The following EPHA4 variants were observed in gnomAD, a reference collection of about 807,000 sequenced individuals.
EPHA4 encodes EPH receptor A4, also known as ephrin type-A receptor 4.
EPHA4 carries 19 observed loss-of-function variants against 108.3 expected under a neutral mutation model. The observed-to-expected ratio is 0.18, with a 90% CI of 0.12 to 0.26. EPHA4 has a LOEUF of 0.26. Among genes scored for constraint, EPHA4 ranks in the 10% least tolerant of loss-of-function variants. EPHA4 has a pLI of 1.00. For synonymous variants in EPHA4, 449 were observed against 455.5 expected, an observed-to-expected ratio of 0.99 and a Z score of 0.18; for missense variants, 917 against 1,254.0, an observed-to-expected ratio of 0.73 and a Z score of 4.06.
At chr2:221,484,670 A>T (rs1377190198) in intron 4 of EPHA4, among the ~76,000 whole-genome samples, 1 of 152,232 alleles carries the variant, frequency 6.6e-6, no homozygotes, top group Admixed American at 6.5e-5. Context: ...ACCGACTCTA[A>T]GAGCTACATA....
intron 3 of EPHA4, among the ~76,000 whole-genome samples, chr2:221,556,485 T>C (rs1242669605): frequency 6.6e-6 from 1 of 151,338 alleles, no homozygotes; most frequent in Non-Finnish European, 1.5e-5. Context: ...TTTTTTTTTT[T>C]TTTTTTAGTA....
chr2:221,453,519 CA>C (rs1313189360), intron 8 of EPHA4, among the ~76,000 whole-genome samples: 1 of 152,094 alleles, frequency 6.6e-6, no homozygotes, highest in Non-Finnish European at 1.5e-5. Flanking sequence ...CTTTCAAAAT[CA>C]AATACCAGGG....
intron 13 of EPHA4, among the ~76,000 whole-genome samples, chr2:221,434,896 A>C (rs1356121446): frequency 1.8e-5 from 1 of 56,694 alleles, no homozygotes; most frequent in Non-Finnish European, 4.3e-5. Context: ...GTTGTTATTA[A>C]ATTAAAAAAA....
intron 5 of EPHA4, among the ~76,000 whole-genome samples, chr2:221,473,564 A>C (rs1452640240): frequency 1.3e-5 from 2 of 151,342 alleles, no homozygotes; most frequent in Non-Finnish European, 2.9e-5. Flanking sequence ...AAAAAAAAAA[A>C]AAAAAAAAAA....
chr2:221,558,134 G>A (rs1038344000), intron 3 of EPHA4, among the ~76,000 whole-genome samples: 4 of 152,172 alleles, frequency 2.6e-5, no homozygotes, highest in Admixed American at 2.0e-4. Context: ...ATCTATGACA[G>A]TCAAGCATCA....
chr2:221,498,585 C>A (rs1431405848), intron 4 of EPHA4, among the ~76,000 whole-genome samples: 2 of 151,680 alleles, frequency 1.3e-5, no homozygotes. Context: ...AAAGCAAAAA[C>A]AATCCTTGCC....
chr2:221,520,942 T>G (rs187151320), intron 3 of EPHA4, among the ~76,000 whole-genome samples: 1 of 152,362 alleles, frequency 6.6e-6, no homozygotes, highest in African/African-American at 2.4e-5. Context: ...ATTTGCATTT[T>G]GTTAACCATG....
intron 4 of EPHA4, 62 bp from the exon 5 acceptor site, chr2:221,482,752 A>G (rs1691863128): frequency 6.9e-7 from 1 of 1,442,462 alleles, no homozygotes; most frequent in South Asian, 1.3e-5. Flanking sequence ...AATCTCTCAG[A>G]GTTTGTATTA....
At chr2:221,532,061 C>T (rs1693536894) in intron 3 of EPHA4, among the ~76,000 whole-genome samples, 1 of 152,068 alleles carries the variant, frequency 6.6e-6, no homozygotes, top group Non-Finnish European at 1.5e-5. Flanking sequence ...ACCAAATATG[C>T]TGGGATGTTT....
intron 11 of EPHA4, among the ~76,000 whole-genome samples, chr2:221,439,201 T>G (rs1393361061): frequency 6.6e-6 from 1 of 152,082 alleles, no homozygotes; most frequent in Non-Finnish European, 1.5e-5. Context: ...CAAAGGTGCA[T>G]AAAACCACTT....
intron 5 of EPHA4, among the ~76,000 whole-genome samples, chr2:221,470,834 A>G (rs1691461251): frequency 6.6e-6 from 1 of 152,144 alleles, no homozygotes; most frequent in Non-Finnish European, 1.5e-5. Context: ...TGGCCATGCA[A>G]TTATGTTCTT....
At chr2:221,528,117 C>T (rs1484625069) in intron 3 of EPHA4, among the ~76,000 whole-genome samples, 4 of 150,868 alleles carry the variant, frequency 2.7e-5, no homozygotes, top group South Asian at 2.1e-4. Context: ...GTCTCATTCT[C>T]TCTTGTGTAA....
At chr2:221,494,414 G>A (rs549797384) in intron 4 of EPHA4, among the ~76,000 whole-genome samples, 1 of 152,286 alleles carries the variant, frequency 6.6e-6, no homozygotes, top group African/African-American at 2.4e-5. Flanking sequence ...GACCAGCCTG[G>A]TCAACATAGC....
intron 4 of EPHA4, among the ~76,000 whole-genome samples, chr2:221,498,015 A>T (rs753870587): frequency 6.6e-6 from 1 of 152,192 alleles, no homozygotes; most frequent in African/African-American, 2.4e-5. Context: ...TAAAAATACA[A>T]TTCCAAGGGC....
chr2:221,451,580 CAGCATCATA>C (rs1690786426), intron 8 of EPHA4, among the ~76,000 whole-genome samples: 1 of 152,114 alleles, frequency 6.6e-6, no homozygotes, highest in African/African-American at 2.4e-5. Context: ...TTTATAGGGA[CAGCATCATA>C]TAGGTACAAG....
chr2:221,527,455 T>C (rs750600047), intron 3 of EPHA4, among the ~76,000 whole-genome samples: 2 of 152,166 alleles, frequency 1.3e-5, no homozygotes, highest in Non-Finnish European at 2.9e-5. Flanking sequence ...AATCTCCAGA[T>C]ACAGGACAAT....
intron 3 of EPHA4, chr2:221,502,400 C>A: frequency 2.6e-6 from 1 of 391,032 alleles, no homozygotes; most frequent in Non-Finnish European, 5.2e-6. Context: ...CGTTTCTTTT[C>A]ATTCATCATG....
chr2:221,545,428 C>T (rs1302345844), intron 3 of EPHA4, among the ~76,000 whole-genome samples: 2 of 152,032 alleles, frequency 1.3e-5, no homozygotes, highest in East Asian at 1.9e-4. Flanking sequence ...GAGACTGCAC[C>T]ACTGCACTCC....
At chr2:221,570,180 G>A (rs898891535) in intron 1 of EPHA4, among the ~76,000 whole-genome samples, 2 of 151,998 alleles carry the variant, frequency 1.3e-5, no homozygotes, top group Non-Finnish European at 2.9e-5. Flanking sequence ...AAACGTGATG[G>A]GAATAGAAAG....
Sources: gnomAD v4.1 joint callset for allele counts (sites outside exome capture counted in the v4.1 genomes callset) on GRCh38, gnomAD v4.1.1 for gene constraint, MANE v1.5 for transcripts, NCBI Gene and HGNC (gene_info 2026-07-23, HGNC 2026-07-21) for gene names.